ZBTB10: variants seen among roughly 807,000 people sequenced by gnomAD.
The protein encoded by ZBTB10 is zinc finger and BTB domain-containing protein 10.
Under a neutral mutation model 76.4 loss-of-function variants are expected in ZBTB10, and 32 were observed. That is an observed-to-expected ratio of 0.42 (90% CI 0.32 to 0.56). ZBTB10 has a LOEUF of 0.56. ZBTB10 is among the 20% of genes least tolerant of loss of function. The pLI, the probability that ZBTB10 is intolerant of heterozygous loss-of-function variation, is 0.14. For synonymous variants in ZBTB10, 523 were observed against 432.9 expected, an observed-to-expected ratio of 1.21 and a Z score of -2.58; for missense variants, 1,057 against 1,098.5, an observed-to-expected ratio of 0.96 and a Z score of 0.53.
intron 2 of ZBTB10, among the ~76,000 whole-genome samples, chr8:80,502,231 C>T (rs561002993): frequency 2.0e-5 from 3 of 152,158 alleles, no homozygotes; most frequent in South Asian, 4.2e-4. Flanking sequence ...TTATCTCTTA[C>T]ATCTGTTTTG....
rs750614916 is a variant in ZBTB10 at position 80,487,526 on chromosome 8, C to G, written c.716C>G (p.Pro239Arg). The change falls in exon 1 of 6, where the codon CCC (proline) becomes CGC (arginine). Residue 239 changes from proline (P) to arginine (R), a missense_variant. Physicochemically the swap from Pro to Arg is moderately radical, Grantham distance 103. Around this residue, in one of 5 missense-constraint regions of ZBTB10, gnomAD observed 556 missense variants for 451.7 expected, o/e 1.23. Coordinates refer to ENST00000455036, the MANE Select transcript of ZBTB10 (RefSeq NM_001105539.3). Reference sequence around the variant, plus strand: ...GTCCAGCACTTCCCGCTCGCGCGGCCCAAGTCTCTAATGCAGAAGCTCCAA... The same window carrying G: ...GTCCAGCACTTCCCGCTCGCGCGGCGCAAGTCTCTAATGCAGAAGCTCCAA... The part of the protein sequence containing the change: ...ETVQHFPLAR[P>R]KSLMQKLQCS... 1 of 1,576,268 alleles carries G rather than the reference C, an allele frequency of 6.3e-7. No homozygotes were observed. The highest frequency in any genetic ancestry group is 1.4e-5 in the African/African-American group (1 of 74,058).
chr8:80,492,256 G>A (rs1210048148), intron 1 of ZBTB10, among the ~76,000 whole-genome samples: 1 of 152,116 alleles, frequency 6.6e-6, no homozygotes, highest in African/African-American at 2.4e-5. Flanking sequence ...AAACTTGTTA[G>A]CAGTGTCTGA....
Position 80,486,405 on chromosome 8 carries a change from T to A in ZBTB10, c.-406T>A. ...GGAGGAAGGATATCTGTGTGGAGGA[T>A]CGGTGTGTGCGCGCGCGGCTTTAAA... is the stretch of plus-strand genomic sequence containing the variant. On this transcript the variant is annotated 5_prime_UTR_variant, in exon 1 of 6. Transcript: ENST00000455036. 1.0e-6 allele frequency: 1 copy of A among 981,222 alleles called. No homozygotes were observed. The highest frequency in any genetic ancestry group is 1.2e-6 in the Non-Finnish European group (1 of 829,258). 60.8% of individuals were successfully genotyped at this position (981,222 alleles called of 1,614,324 possible).
At chr8:80,513,392 C>G (rs1816247891) in intron 2 of ZBTB10, among the ~76,000 whole-genome samples, 1 of 152,198 alleles carries the variant, frequency 6.6e-6, no homozygotes, top group Non-Finnish European at 1.5e-5. Context: ...ATCTGCCCAC[C>G]TCAGCTTCCT....
intron 1 of ZBTB10, among the ~76,000 whole-genome samples, chr8:80,491,908 A>T (rs1815641097): frequency 6.6e-6 from 1 of 152,214 alleles, no homozygotes; most frequent in African/African-American, 2.4e-5. Context: ...CCTTTACAGA[A>T]ACTAAGTAAT....
At position 80,518,771 on chromosome 8, in the gene ZBTB10, A is replaced by T; in HGVS notation, c.2138-11A>T. 1 of 1,591,248 alleles carries T rather than the reference A, an allele frequency of 6.3e-7. No individual in the cohort carries two copies. Among genetic ancestry groups the T allele is most frequent in the Admixed American group, 1.8e-5 (1 of 54,362 alleles). On this transcript the variant is annotated splice_polypyrimidine_tract_variant and intron_variant, in intron 4 of 5. Coordinates refer to ENST00000455036, the MANE Select transcript of ZBTB10 (RefSeq NM_001105539.3). ...TGTAATAAGCACTTTCTCTTTTTTT[A>T]ATTCTCATAGGTGAATCATCTCTAA...
At chr8:80,507,835 A>G (rs1210748747) in intron 2 of ZBTB10, among the ~76,000 whole-genome samples, 1 of 152,146 alleles carries the variant, frequency 6.6e-6, no homozygotes. Flanking sequence ...TCTTGGGCTC[A>G]ACTCTCCTCC....
At chr8:80,506,387 C>T (rs1816053346) in intron 2 of ZBTB10, among the ~76,000 whole-genome samples, 3 of 151,886 alleles carry the variant, frequency 2.0e-5, no homozygotes, top group Admixed American at 6.6e-5. Context: ...GTGATCTTGG[C>T]TCACTGCAAC....
intron 2 of ZBTB10, among the ~76,000 whole-genome samples, chr8:80,504,069 T>C (rs185278071): frequency 6.6e-4 from 101 of 152,318 alleles, no homozygotes; most frequent in African/African-American, 2.3e-3. Context: ...AGGTTGCATA[T>C]TTAGGACTAT....
chr8:80,519,339 A>C lies in ZBTB10; in HGVS notation c.2427A>C (p.Ala809=). The change falls in exon 6 of 6, where the codon GCA becomes GCC. Residue 809 remains alanine (A), a synonymous_variant. Coordinates refer to ENST00000455036, the MANE Select transcript of ZBTB10 (RefSeq NM_001105539.3). ...GTTATGGTGTTTGTGTAGACTGTGC[A>C]GATAAATCACAGCCAGGAGGGCAAG... ...SRRYGVCVDC[A]DKSQPGGQEG... 6.2e-7 allele frequency: 1 copy of C among 1,613,718 alleles called. No individual in the cohort carries two copies. Among genetic ancestry groups the C allele is most frequent in the Non-Finnish European group, 8.5e-7 (1 of 1,179,772 alleles).
intron 3 of ZBTB10, among the ~76,000 whole-genome samples, chr8:80,515,976 A>G (rs757735416): frequency 1.1e-4 from 17 of 152,218 alleles, no homozygotes; most frequent in Non-Finnish European, 2.1e-4. Flanking sequence ...ATTTGGGGCA[A>G]GGTTTACTTA....
Position 80,513,938 on chromosome 8 carries a change from A to G in ZBTB10, c.1890A>G (p.Pro630=), listed in dbSNP as rs1375782425. 5 of 1,613,616 alleles carry G rather than the reference A, an allele frequency of 3.1e-6. No homozygotes were observed. The highest frequency in any genetic ancestry group is 4.2e-6 in the Non-Finnish European group (5 of 1,179,668). Residue 630 remains proline, a synonymous_variant, in exon 3 of 6, where the codon CCA becomes CCG. Coordinates refer to ENST00000455036, the MANE Select transcript of ZBTB10 (RefSeq NM_001105539.3). The part of the protein sequence containing the change: ...PDLDGALLSG[P]DGDRNVNANL... ...TAGATGGTGCTCTACTCTCGGGGCC[A>G]GATGGTGATAGGAATGTGAATGCAA...
At chr8:80,506,985 ATTTATTTAT>A (rs1242377512) in intron 2 of ZBTB10, among the ~76,000 whole-genome samples, 1 of 152,132 alleles carries the variant, frequency 6.6e-6, no homozygotes. Context: ...TTACTTATGT[ATTTATTTAT>A]TTTATTTTAT....
intron 1 of ZBTB10, among the ~76,000 whole-genome samples, chr8:80,488,746 C>T (rs575256309): frequency 1.3e-5 from 2 of 152,272 alleles, no homozygotes; most frequent in African/African-American, 4.8e-5. Context: ...ATCAGTCCTC[C>T]TTTTTGACTT....
At position 80,511,047 on chromosome 8, in the gene ZBTB10, A is replaced by C. The variant is rs973551128; in HGVS notation, c.1862-2863A>C. Among the ~76,000 whole-genome samples the C allele has an allele frequency of 2.6e-5, 4 of 152,312 alleles. 1 individual carries two copies. The South Asian group carries it at 8.3e-4, about 32-fold the overall frequency. On this transcript the variant is annotated intron_variant, in intron 2 of 5. Transcript: ENST00000455036. The stretch of plus-strand genomic sequence containing the variant: ...TTTTGAATAAGGTAAGCAGTGACGT[A>C]ATATATTGGTTCCTGAAAGTTAAGC...
chr8:80,486,474 C>A lies in ZBTB10; in HGVS notation c.-337C>A. On this transcript the variant is annotated 5_prime_UTR_variant, in exon 1 of 6. Transcript: ENST00000455036. ...CTCCCCGCACTCCGCTGCTCAACTT[C>A]GAAGGCCTCGCTCGCTGCAGGCTCG... 1.0e-6 allele frequency: 1 copy of A among 985,240 alleles called. No homozygotes were observed. 61.0% of individuals were successfully genotyped at this position (985,240 alleles called of 1,614,324 possible). A position where few individuals can be genotyped will look rare whatever the true frequency, so the allele number is the denominator to read the frequency against.
chr8:80,508,212 G>T (rs1241611488), intron 2 of ZBTB10, among the ~76,000 whole-genome samples: 1 of 152,192 alleles, frequency 6.6e-6, no homozygotes, highest in African/African-American at 2.4e-5. Flanking sequence ...ACTTCTTCCT[G>T]CTGAAGGTGT....
chr8:80,505,634 T>C (rs1563462663), intron 2 of ZBTB10, among the ~76,000 whole-genome samples: 1 of 152,236 alleles, frequency 6.6e-6, no homozygotes, highest in Non-Finnish European at 1.5e-5. Context: ...TTTGCACTTA[T>C]TTGTGTAATT....
chr8:80,503,443 C>A (rs1195155195), intron 2 of ZBTB10, among the ~76,000 whole-genome samples: 2 of 152,034 alleles, frequency 1.3e-5, no homozygotes, highest in African/African-American at 4.8e-5. Flanking sequence ...TTAAATGTAG[C>A]CAAAATTTGC....
Sources: gnomAD v4.1 joint callset for allele counts (sites outside exome capture counted in the v4.1 genomes callset) on GRCh38, gnomAD v4.1.1 for gene constraint, gnomAD v4.1.1 regional missense constraint, MANE v1.5 for transcripts, NCBI Gene and HGNC (gene_info 2026-07-23, HGNC 2026-07-21) for gene names.